Variants in SLC35E2B observed in about 807,000 individuals in gnomAD.
SLC35E2B encodes solute carrier family 35, member E2B.
In SLC35E2B, 18 loss-of-function variants were observed where a neutral mutation model predicts 32.4. That is an observed-to-expected ratio of 0.56 (90% CI 0.38 to 0.82). The LOEUF (loss-of-function observed/expected upper bound fraction) is 0.82, where lower values mean the gene tolerates loss of function less well. Ranked by LOEUF, SLC35E2B falls within the 40% of genes least tolerant of loss-of-function variation. The pLI is 0.00. For synonymous variants in SLC35E2B, 132 were observed against 209.1 expected (o/e 0.63, Z 3.18); for missense variants, 263 against 469.5 (o/e 0.56, Z 4.06).
At chr1:1,682,794 A>G (rs1386990974) in intron 2 of SLC35E2B, among the ~76,000 whole-genome samples, 1 of 152,058 alleles carries the variant, frequency 6.6e-6, no homozygotes, top group Non-Finnish European at 1.5e-5. Context: ...CAAGGTTTAC[A>G]TGGGGGAGGC....
chr1:1,683,084 A>G (rs531178251), intron 2 of SLC35E2B, among the ~76,000 whole-genome samples: 2 of 152,160 alleles, frequency 1.3e-5, no homozygotes, highest in South Asian at 2.1e-4. Context: ...CTCCAAAAAC[A>G]AACAAATAAA....
intron 2 of SLC35E2B, among the ~76,000 whole-genome samples, chr1:1,689,031 A>G (rs559227692): frequency 1.3e-3 from 200 of 152,036 alleles, no homozygotes; most frequent in Middle Eastern, 6.8e-3. Flanking sequence ...ACTTAGCTGG[A>G]CGTGGTGGTG....
chr1:1,688,387 A>T (rs1373378359), intron 2 of SLC35E2B, among the ~76,000 whole-genome samples: 1 of 152,056 alleles, frequency 6.6e-6, no homozygotes, highest in African/African-American at 2.4e-5. Context: ...TGGGCGGATC[A>T]CAAGGTCAGG....
chr1:1,680,757 C>G (rs1043551217), intron 2 of SLC35E2B, among the ~76,000 whole-genome samples: 2 of 151,970 alleles, frequency 1.3e-5, no homozygotes, highest in Non-Finnish European at 2.9e-5. Flanking sequence ...ATCTTCCCCC[C>G]ACGTAAACAC....
At chr1:1,680,824 A>C (rs1177454469) in intron 2 of SLC35E2B, among the ~76,000 whole-genome samples, 2 of 144,426 alleles carry the variant, frequency 1.4e-5, no homozygotes, top group Middle Eastern at 3.6e-3. Flanking sequence ...TTTTTTTTAG[A>C]TGGAATCTCG....
At chr1:1,683,121 T>C (rs1643914187) in intron 2 of SLC35E2B, among the ~76,000 whole-genome samples, 1 of 152,010 alleles carries the variant, frequency 6.6e-6, no homozygotes, top group Non-Finnish European at 1.5e-5. Context: ...TAAAGTCCTG[T>C]GAGGAATGCA....
Position 1,665,710 on chromosome 1 carries a change from A to G in SLC35E2B, c.*72T>C. 6.6e-7 allele frequency: 1 copy of G among 1,521,402 alleles called. No individual in the cohort carries two copies. The highest frequency in any genetic ancestry group is 1.2e-5 in the South Asian group (1 of 81,804). 94.2% of individuals were successfully genotyped at this position (1,521,402 alleles called of 1,614,324 possible). A position where few individuals can be genotyped will look rare whatever the true frequency, so the allele number is the denominator to read the frequency against. On this transcript the variant is annotated 3_prime_UTR_variant, in exon 10 of 10. Transcript: ENST00000617444. ...GTCCTGCACCCCAGCAGGGCCATGG[A>G]GGAGGGCGTCCCTGCCCATTTCTGG... is the stretch of plus-strand genomic sequence containing the variant.
At chr1:1,679,862 A>G (rs1206463319) in intron 2 of SLC35E2B, among the ~76,000 whole-genome samples, 6 of 134,460 alleles carry the variant, frequency 4.5e-5, no homozygotes, top group East Asian at 2.3e-4. Context: ...GCTGGGCGCG[A>G]TGGCTCACAC....
In SLC35E2B at chr1:1,665,574, G is replaced by T; in HGVS notation, c.*208C>A. The T allele has an allele frequency of 1.4e-6, 1 of 733,272 alleles. No homozygotes were observed. The highest frequency in any genetic ancestry group is 2.2e-6 in the Non-Finnish European group (1 of 459,332). 45.4% of individuals were successfully genotyped at this position (733,272 alleles called of 1,614,324 possible). On this transcript the variant is annotated 3_prime_UTR_variant, in exon 10 of 10. Transcript: ENST00000617444. ...GCTCGGCGGACACAGTCAGCTACTG[G>T]TCTGGTCTCTACTCCAGGAAGCTGA...
Position 1,665,460 on chromosome 1 carries a change from C to T in SLC35E2B, c.*322G>A. 1 of 530,136 alleles carries T rather than the reference C, an allele frequency of 1.9e-6. No homozygotes were observed. The allele number at this position is 530,136 out of a possible 1,614,324, so 32.8% of individuals were successfully genotyped here. A position where few individuals can be genotyped will look rare whatever the true frequency, so the allele number is the denominator to read the frequency against. Reference sequence around the variant, plus strand: ...TTGGCACTGGACCCACCTCTGGCTCCCGGTGGACCCTGGGGTGTCGCCCAG... The same window carrying T: ...TTGGCACTGGACCCACCTCTGGCTCTCGGTGGACCCTGGGGTGTCGCCCAG... On this transcript the variant is annotated 3_prime_UTR_variant, in exon 10 of 10. Transcript: ENST00000617444.
intron 2 of SLC35E2B, among the ~76,000 whole-genome samples, chr1:1,689,784 C>A (rs1239272894): frequency 6.6e-6 from 1 of 151,020 alleles, no homozygotes; most frequent in Non-Finnish European, 1.5e-5. Flanking sequence ...GTCGGGAGCT[C>A]GAGACCAGCC....
In SLC35E2B at chr1:1,665,589, C is replaced by T. The variant is rs1042830260; in HGVS notation, c.*193G>A. The T allele has an allele frequency of 2.8e-5, 24 of 865,844 alleles. No homozygotes were observed. The highest frequency in any genetic ancestry group is 4.0e-5 in the Non-Finnish European group (23 of 579,406). 53.6% of individuals were successfully genotyped at this position (865,844 alleles called of 1,614,324 possible). On this transcript the variant is annotated 3_prime_UTR_variant, in exon 10 of 10. Transcript: ENST00000617444. Reference sequence around the variant, plus strand: ...TCAGCTACTGGTCTGGTCTCTACTCCAGGAAGCTGATACCTGGAATCCCCA... The same window carrying T: ...TCAGCTACTGGTCTGGTCTCTACTCTAGGAAGCTGATACCTGGAATCCCCA...
In SLC35E2B at chr1:1,675,478, G is replaced by A. The variant is rs1300623796; in HGVS notation, c.571C>T (p.Leu191=). 1 of 1,610,418 alleles carries A rather than the reference G, an allele frequency of 6.2e-7. No homozygotes were observed. Among genetic ancestry groups the A allele is most frequent in the Non-Finnish European group, 8.5e-7 (1 of 1,178,784 alleles). ...GGGGCCTCACCTGTGTACTCCCCCA[G>A]AATCATCCGAGACATGATCACCGTG... ...IFTVIMSRMI[L]GEYTGLLVNL... The change falls in exon 5 of 10, where the codon CTG becomes TTG. Residue 191 remains leucine, a synonymous_variant. Transcript: ENST00000617444.
intron 5 of SLC35E2B, among the ~76,000 whole-genome samples, chr1:1,675,139 C>G (rs1643809874): frequency 6.7e-6 from 1 of 149,554 alleles, no homozygotes. Context: ...CCCACCCGTC[C>G]TCTTCGGATC....
At position 1,692,543 on chromosome 1, in the gene SLC35E2B, C is replaced by T. The variant is rs1296083981; in HGVS notation, c.-660G>A. On this transcript the variant is annotated 5_prime_UTR_variant, in exon 1 of 10. Coordinates refer to ENST00000617444, the MANE Select transcript of SLC35E2B (RefSeq NM_001290264.2). The stretch of plus-strand genomic sequence containing the variant: ...TGGCGGGCGGGGCCTGAGAGGCGCG[C>T]GGTGGAGGGGCCGGGCGCGAGGCCG... 4 of 986,202 alleles carry T rather than the reference C, an allele frequency of 4.1e-6. No individual in the cohort carries two copies. Among genetic ancestry groups the T allele is most frequent in the Non-Finnish European group, 4.8e-6 (4 of 830,774 alleles). 61.1% of individuals were successfully genotyped at this position (986,202 alleles called of 1,614,324 possible).
At position 1,681,985 on chromosome 1, in the gene SLC35E2B, T is replaced by C. The variant is rs1200831574; in HGVS notation, c.-147-5139A>G. On this transcript the variant is annotated intron_variant, in intron 2 of 9. Coordinates refer to ENST00000617444, the MANE Select transcript of SLC35E2B (RefSeq NM_001290264.2). ...GCCTGGGCGACAGAGCAACACTCTGTCTCAAAAAAAAAAAAAAAAAAAAAA... is the reference window on the plus strand; with the variant it reads ...GCCTGGGCGACAGAGCAACACTCTGCCTCAAAAAAAAAAAAAAAAAAAAAA... 2.6e-4 allele frequency among the ~76,000 whole-genome samples: 17 copies of C among 65,632 alleles called. No homozygotes were observed. In the Admixed American group the frequency reaches 3.6e-3, roughly 14 times the overall value. 43.1% of individuals were successfully genotyped at this position (65,632 alleles called of 152,430 possible).
Position 1,668,355 on chromosome 1 carries a change from T to A in SLC35E2B, c.952A>T (p.Met318Leu). Residue 318 changes from methionine to leucine, a missense_variant, in exon 9 of 10, where the codon ATG (methionine) becomes TTG (leucine). Transcript: ENST00000617444. ...AAAGTCACCGGGGAGATTTTCCCCA[T>A]GAGGGCGTACGCCGTGACGCTCTGA... The part of the protein sequence containing the change: ...HLQSVTAYAL[M>L]GKISPVTFSV... 6.2e-7 allele frequency: 1 copy of A among 1,610,168 alleles called. No homozygotes were observed. Among genetic ancestry groups the A allele is most frequent in the Non-Finnish European group, 8.5e-7 (1 of 1,178,510 alleles).
intron 8 of SLC35E2B, among the ~76,000 whole-genome samples, chr1:1,668,753 G>A (rs1643608536): frequency 6.6e-6 from 1 of 152,158 alleles, no homozygotes; most frequent in African/African-American, 2.4e-5. Context: ...ACCATCATCA[G>A]GAAAATGCAA....
At chr1:1,668,230 G>C in intron 9 of SLC35E2B, 97 bp downstream of exon 9, 1 of 1,479,916 alleles carries the variant, frequency 6.8e-7, no homozygotes, top group Non-Finnish European at 9.1e-7. Context: ...CCCCGTGGAA[G>C]AGAATCACAT....
Sources: gnomAD v4.1 joint callset for allele counts (sites outside exome capture counted in the v4.1 genomes callset) on GRCh38, gnomAD v4.1.1 for gene constraint, MANE v1.5 for transcripts, NCBI Gene and HGNC (gene_info 2026-07-23, HGNC 2026-07-21) for gene names.